The following ZSWIM6 variants were observed in gnomAD, a reference collection of about 807,000 sequenced individuals.
ZSWIM6 encodes zinc finger SWIM domain-containing protein 6.
In ZSWIM6, 9 loss-of-function variants were observed where a neutral mutation model predicts 113.2. The observed-to-expected ratio is 0.08, with a 90% CI of 0.05 to 0.14. The LOEUF (loss-of-function observed/expected upper bound fraction) is 0.14. Among genes scored for constraint, ZSWIM6 ranks in the 10% least tolerant of loss-of-function variants. The pLI is 1.00. For missense variants in ZSWIM6, 1,162 were observed against 1,552.2 expected (o/e 0.75, Z 4.22); for synonymous variants, 611 against 606.5 (o/e 1.01, Z -0.11).
chr5:61,426,214 A>G (rs565619621), intron 1 of ZSWIM6, among the ~76,000 whole-genome samples: 4 of 152,360 alleles, frequency 2.6e-5, no homozygotes, highest in Non-Finnish European at 5.9e-5. Flanking sequence ...TATAAACACT[A>G]TACTTATCAA....
At chr5:61,357,660 C>T (rs1744943109) in intron 1 of ZSWIM6, among the ~76,000 whole-genome samples, 1 of 151,494 alleles carries the variant, frequency 6.6e-6, no homozygotes, top group South Asian at 2.1e-4. Context: ...TAAACACACC[C>T]AGAACTGGCT....
chr5:61,473,863 G>A (rs1391880354), intron 2 of ZSWIM6, among the ~76,000 whole-genome samples: 4 of 152,174 alleles, frequency 2.6e-5, no homozygotes, highest in Admixed American at 2.6e-4. Flanking sequence ...TCTAGGACTA[G>A]TCTCTCAACC....
At chr5:61,489,617 A>G (rs1748126562) in intron 2 of ZSWIM6, among the ~76,000 whole-genome samples, 1 of 152,038 alleles carries the variant, frequency 6.6e-6, no homozygotes, top group East Asian at 1.9e-4. Context: ...GATGTAAAAT[A>G]TATTTCTTAT....
At chr5:61,444,104 C>G (rs1233017010) in intron 1 of ZSWIM6, among the ~76,000 whole-genome samples, 3 of 114,282 alleles carry the variant, frequency 2.6e-5, no homozygotes, top group Non-Finnish European at 5.2e-5. Flanking sequence ...CCCCTCCCCC[C>G]ACCCCACAAC....
At chr5:61,481,448 A>T (rs1271578730) in intron 2 of ZSWIM6, among the ~76,000 whole-genome samples, 3 of 152,016 alleles carry the variant, frequency 2.0e-5, no homozygotes, top group African/African-American at 7.2e-5. Context: ...AATTATTAAG[A>T]TCTAGAATGT....
intron 1 of ZSWIM6, among the ~76,000 whole-genome samples, chr5:61,340,875 C>T (rs4613654): frequency 6.6e-6 from 1 of 152,170 alleles, no homozygotes; most frequent in Non-Finnish European, 1.5e-5. Flanking sequence ...AGTAGTGGTT[C>T]TAGCATGCTC....
intron 4 of ZSWIM6, among the ~76,000 whole-genome samples, chr5:61,519,172 T>C (rs1048727194): frequency 6.6e-6 from 1 of 152,190 alleles, no homozygotes; most frequent in African/African-American, 2.4e-5. Flanking sequence ...TTCCCCTCCA[T>C]TGGGTGATAG....
At chr5:61,353,481 G>A (rs925507060) in intron 1 of ZSWIM6, among the ~76,000 whole-genome samples, 13 of 152,166 alleles carry the variant, frequency 8.5e-5, no homozygotes, top group African/African-American at 2.9e-4. Flanking sequence ...TTTTCCAAGT[G>A]TTGCTAGAGG....
intron 1 of ZSWIM6, among the ~76,000 whole-genome samples, chr5:61,364,964 T>C (rs1161586490): frequency 6.6e-6 from 1 of 152,206 alleles, no homozygotes; most frequent in Admixed American, 6.5e-5. Flanking sequence ...ACAGAAACTT[T>C]GGCCTTCAAA....
At chr5:61,416,927 T>C (rs902046631) in intron 1 of ZSWIM6, among the ~76,000 whole-genome samples, 3 of 152,144 alleles carry the variant, frequency 2.0e-5, no homozygotes, top group African/African-American at 7.2e-5. Context: ...CCTCGGTCAG[T>C]GATCAGGAGT....
At chr5:61,399,419 T>C (rs1317375092) in intron 1 of ZSWIM6, among the ~76,000 whole-genome samples, 2 of 152,146 alleles carry the variant, frequency 1.3e-5, no homozygotes, top group African/African-American at 2.4e-5. Context: ...CCAGAACAGA[T>C]TCCATCTCTG....
chr5:61,475,028 T>C (rs1747673583), intron 2 of ZSWIM6, among the ~76,000 whole-genome samples: 1 of 152,214 alleles, frequency 6.6e-6, no homozygotes, highest in African/African-American at 2.4e-5. Flanking sequence ...AAGGACTTTT[T>C]CAAGTAGGCT....
intron 1 of ZSWIM6, among the ~76,000 whole-genome samples, chr5:61,357,213 C>G: frequency 6.6e-6 from 1 of 152,058 alleles, no homozygotes; most frequent in Non-Finnish European, 1.5e-5. Context: ...AGAAACTACC[C>G]TTAAGTTTTT....
chr5:61,456,811 A>G (rs1455671409), intron 1 of ZSWIM6, among the ~76,000 whole-genome samples: 1 of 152,164 alleles, frequency 6.6e-6, no homozygotes, highest in Non-Finnish European at 1.5e-5. Flanking sequence ...TTCTTCTATC[A>G]TATTTTACAG....
In ZSWIM6 at chr5:61,544,076, C is replaced by G. The variant is rs1258645752; in HGVS notation, c.3407C>G (p.Ala1136Gly). The G allele has an allele frequency of 6.4e-7, 1 of 1,551,998 alleles. No individual in the cohort carries two copies. Among genetic ancestry groups the G allele is most frequent in the Admixed American group, 2.0e-5 (1 of 51,012 alleles). ...NSGKLMSLDK[A>G]PLRQLLDATI... ...GGTAAGCTCATGTCACTGGACAAAGCCCCCTTGAGGCAACTCTTGGATGCC... is the reference window on the plus strand; with the variant it reads ...GGTAAGCTCATGTCACTGGACAAAGGCCCCTTGAGGCAACTCTTGGATGCC... The change falls in exon 14 of 14, where the codon GCC becomes GGC. Residue 1136 changes from alanine (A) to glycine (G), a missense_variant. By Grantham distance (60) the Ala-to-Gly change is moderately conservative. Coordinates refer to ENST00000252744, the MANE Select transcript of ZSWIM6 (RefSeq NM_020928.2).
intron 4 of ZSWIM6, among the ~76,000 whole-genome samples, chr5:61,498,724 A>T (rs1425449463): frequency 6.6e-6 from 1 of 152,136 alleles, no homozygotes; most frequent in Non-Finnish European, 1.5e-5. Context: ...TCAAATAGTG[A>T]TTTTTCTGTA....
rs1746302259 is a variant in ZSWIM6 at position 61,418,788 on chromosome 5, C to A, written c.677-53893C>A. On this transcript the variant is annotated intron_variant, in intron 1 of 13. Transcript: ENST00000252744. ...GAAATAATGTTTACTTTACGAGACA[C>A]CTTGCTTTTCACATCCCTCAGCTCC... Among the ~76,000 whole-genome samples the A allele has an allele frequency of 2.6e-5, 4 of 152,124 alleles. No homozygotes were observed. In the South Asian group the frequency reaches 8.3e-4, roughly 32 times the overall value.
rs1243690822 is a variant in ZSWIM6, at chr5:61,332,333, GGCGGCGGCGGCGGGGGCAGCA to G, written c.75_95del (p.Ser27_Gly33del). On this transcript the variant is annotated inframe_deletion, in exon 1 of 14. Coordinates refer to ENST00000252744, the MANE Select transcript of ZSWIM6 (RefSeq NM_020928.2). ...ACGGCTTTGCTGCCGGCCGGGCGGC[GGCGGCGGCGGCGGGGGCAGCA>G]GCGGCGGCGGCGGCGGCGCGGGTGG... 111 of 1,055,464 alleles carry G rather than the reference GGCGGCGGCGGCGGGGGCAGCA, an allele frequency of 1.1e-4. No individual in the cohort carries two copies. In the African/African-American group the frequency reaches 1.2e-3, roughly 11 times the overall value. 65.4% of individuals were successfully genotyped at this position (1,055,464 alleles called of 1,614,324 possible).
intron 1 of ZSWIM6, among the ~76,000 whole-genome samples, chr5:61,395,644 A>G (rs994196569): frequency 2.0e-5 from 3 of 152,180 alleles, no homozygotes; most frequent in Non-Finnish European, 2.9e-5. Flanking sequence ...AAAAATTTCT[A>G]TGCTGCTTTT....
Sources: allele counts gnomAD v4.1 joint callset (sites outside exome capture counted in the v4.1 genomes callset), GRCh38; gene constraint gnomAD v4.1.1; transcripts MANE v1.5; gene names NCBI Gene and HGNC (gene_info 2026-07-23, HGNC 2026-07-21).